The following TNNI3K variants were observed in gnomAD, a reference collection of about 807,000 sequenced individuals.
The protein encoded by TNNI3K is TNNI3 interacting kinase.
TNNI3K carries 140 observed loss-of-function variants against 114.5 expected under a neutral mutation model. The observed-to-expected ratio is 1.22, with a 90% CI of 1.07 to 1.41. TNNI3K has a LOEUF of 1.41. Ranked by LOEUF, TNNI3K falls within the 40% of genes most tolerant of loss-of-function variation. The pLI is 0.00. For synonymous variants in TNNI3K, 347 were observed against 347.5 expected, an observed-to-expected ratio of 1.00 and a Z score of 0.02; for missense variants, 1,125 against 1,007.6, an observed-to-expected ratio of 1.12 and a Z score of -1.58.
At chr1:74,283,351 A>G (rs1657129909) in intron 5 of TNNI3K, among the ~76,000 whole-genome samples, 1 of 152,212 alleles carries the variant, frequency 6.6e-6, no homozygotes. Flanking sequence ...ATCATAGATC[A>G]TGTATTATTA....
intron 21 of TNNI3K, among the ~76,000 whole-genome samples, chr1:74,486,205 G>GAGAGAGAGAGAGAGAGAGAGAGAA (rs1273784460): frequency 3.2e-5 from 4 of 125,686 alleles, no homozygotes; most frequent in Admixed American, 2.2e-4. Context: ...GCTATAAAGA[G>GAGAGAGAGAGAGAGAGAGAGAGAA]AGAGAGAGAG....
At chr1:74,461,184 A>G (rs1333229213) in intron 20 of TNNI3K, among the ~76,000 whole-genome samples, 1 of 152,200 alleles carries the variant, frequency 6.6e-6, no homozygotes, top group Admixed American at 6.5e-5. Context: ...AAATAATTTA[A>G]AAATAGTCAA....
chr1:74,267,013 C>G (rs1656035881), intron 4 of TNNI3K, among the ~76,000 whole-genome samples: 1 of 151,922 alleles, frequency 6.6e-6, no homozygotes, highest in African/African-American at 2.4e-5. Flanking sequence ...GCTTATTTAT[C>G]TCACACTTAT....
rs142388702 is a variant in TNNI3K at position 74,538,531 on chromosome 1, T to G, written c.2352-1703T>G. Among the ~76,000 whole-genome samples the G allele has an allele frequency of 1.4e-3, 213 of 152,208 alleles. 2 individuals carry two copies. Among genetic ancestry groups the G allele is most frequent in the Non-Finnish European group, 2.0e-3 (133 of 68,000 alleles). ...GGAAAGAATATGGAGGGTGTATAAGTAAACAGATAAATAAACAAGATAATT... is the reference window on the plus strand; with the variant it reads ...GGAAAGAATATGGAGGGTGTATAAGGAAACAGATAAATAAACAAGATAATT... On this transcript the variant is annotated intron_variant, in intron 23 of 24. Coordinates refer to ENST00000326637, the MANE Select transcript of TNNI3K (RefSeq NM_015978.3).
chr1:74,461,722 T>G (rs549670103), intron 20 of TNNI3K, among the ~76,000 whole-genome samples: 2 of 152,310 alleles, frequency 1.3e-5, no homozygotes, highest in African/African-American at 4.8e-5. Flanking sequence ...GAGTATAAAT[T>G]TAGTACAACT....
At chr1:74,451,716 T>C (rs1352749561) in intron 20 of TNNI3K, among the ~76,000 whole-genome samples, 1 of 73,760 alleles carries the variant, frequency 1.4e-5, no homozygotes, top group South Asian at 5.6e-4. Context: ...TCTTTCTTTC[T>C]TTCTTTCTTT....
At chr1:74,238,059 A>G (rs566115180) in intron 2 of TNNI3K, among the ~76,000 whole-genome samples, 3 of 151,994 alleles carry the variant, frequency 2.0e-5, no homozygotes, top group Non-Finnish European at 4.4e-5. Flanking sequence ...GTCCTGATTT[A>G]TTCATTGATT....
Position 74,463,542 on chromosome 1 carries a change from T to G in TNNI3K, c.2113T>G (p.Cys705Gly). The G allele has an allele frequency of 6.2e-7, 1 of 1,614,184 alleles. No individual in the cohort carries two copies. Reference sequence around the variant, plus strand: ...TCTGCTGATACGAGGGTGGAACGCATGTCCTGAAGTGAGTAATTTTTATTT... The same window carrying G: ...TCTGCTGATACGAGGGTGGAACGCAGGTCCTGAAGTGAGTAATTTTTATTT... ...SSLLIRGWNA[C>G]PEGRPEFSEV... Residue 705 changes from cysteine to glycine, a missense_variant, in exon 21 of 25, where the codon TGT becomes GGT. Coordinates refer to ENST00000326637, the MANE Select transcript of TNNI3K (RefSeq NM_015978.3).
chr1:74,302,673 A>G (rs61444914), intron 5 of TNNI3K, among the ~76,000 whole-genome samples: 11,395 of 152,296 alleles, frequency 0.075, 531 homozygotes, highest in African/African-American at 0.13. Flanking sequence ...AAAGTTTAAT[A>G]CACAGCAAGG....
chr1:74,507,187 A>G (rs1315289850), intron 23 of TNNI3K, among the ~76,000 whole-genome samples: 2 of 151,878 alleles, frequency 1.3e-5, no homozygotes, highest in Non-Finnish European at 2.9e-5. Context: ...AAAATTTGCA[A>G]ATATCACACA....
rs763644815 is a variant in TNNI3K, at chr1:74,250,778, C to T, written c.333+9C>T. ...ATTTAGCAGTTTACAAGGTAGGACA[C>T]TTTAATTCCCATAAACACTGCATTG... On this transcript the variant is annotated intron_variant, in intron 4 of 24. Transcript: ENST00000326637. 6.4e-6 allele frequency: 10 copies of T among 1,569,772 alleles called. No homozygotes were observed. The Admixed American group carries it at 1.6e-4, about 25-fold the overall frequency.
intron 17 of TNNI3K, among the ~76,000 whole-genome samples, chr1:74,399,128 G>A (rs1471269223): frequency 1.4e-5 from 2 of 139,874 alleles, no homozygotes; most frequent in Non-Finnish European, 3.0e-5. Flanking sequence ...CATTGCACTC[G>A]AGCCTGGGCA....
intron 11 of TNNI3K, among the ~76,000 whole-genome samples, chr1:74,367,031 A>G (rs770076119): frequency 6.6e-6 from 1 of 151,994 alleles, no homozygotes; most frequent in Non-Finnish European, 1.5e-5. Flanking sequence ...CTGCATCACC[A>G]GTACCCATTC....
intron 4 of TNNI3K, among the ~76,000 whole-genome samples, chr1:74,255,225 G>C (rs1655201828): frequency 6.6e-6 from 1 of 151,414 alleles, no homozygotes; most frequent in Admixed American, 6.6e-5. Context: ...GTAGTGGCGG[G>C]CGCCTGTAGT....
intron 18 of TNNI3K, 74 bp from the exon 19 acceptor site, chr1:74,436,400 A>G (rs1032795984): frequency 4.7e-6 from 7 of 1,489,542 alleles, no homozygotes; most frequent in African/African-American, 1.4e-5. Context: ...TGAGGTTTCA[A>G]AATTTTAACT....
At position 74,544,141 on chromosome 1, in the gene TNNI3K, G is replaced by A. The variant is rs538811435; in HGVS notation, c.*159G>A. 9.0e-6 allele frequency: 6 copies of A among 666,452 alleles called. No homozygotes were observed. The South Asian group carries it at 1.5e-4, about 16-fold the overall frequency. The allele number at this position is 666,452 out of a possible 1,614,324, so 41.3% of individuals were successfully genotyped here. On this transcript the variant is annotated 3_prime_UTR_variant, in exon 25 of 25. Transcript: ENST00000326637. ...CCTATTTAATTCCCCACTATTAGCA[G>A]GCTTTGGATTTGTGCCTAAGGAATA...
intron 9 of TNNI3K, among the ~76,000 whole-genome samples, chr1:74,352,543 T>G (rs1661416721): frequency 6.6e-6 from 1 of 152,190 alleles, no homozygotes; most frequent in Admixed American, 6.5e-5. Context: ...TGTCTTTTGT[T>G]TGTCTGTGCC....
intron 23 of TNNI3K, among the ~76,000 whole-genome samples, chr1:74,502,968 T>C (rs1669710547): frequency 6.6e-6 from 1 of 152,204 alleles, no homozygotes; most frequent in African/African-American, 2.4e-5. Flanking sequence ...TCTAGGAACT[T>C]AACTGAAGTG....
At chr1:74,338,217 C>A (rs181898653) in intron 7 of TNNI3K, among the ~76,000 whole-genome samples, 41 of 151,716 alleles carry the variant, frequency 2.7e-4, no homozygotes, top group African/African-American at 7.7e-4. Flanking sequence ...CACAGCATCC[C>A]CAATATTTGA....
Sources: gnomAD v4.1 joint callset for allele counts (sites outside exome capture counted in the v4.1 genomes callset) on GRCh38, gnomAD v4.1.1 for gene constraint, MANE v1.5 for transcripts, NCBI Gene and HGNC (gene_info 2026-07-23, HGNC 2026-07-21) for gene names.